UTP14A: variants seen among roughly 807,000 people sequenced by gnomAD.
UTP14A encodes the protein UTP14A small subunit processome component.
UTP14A carries 5 observed loss-of-function variants against 57.2 expected under a neutral mutation model. The ratio of observed to expected loss-of-function variants is 0.09; its 90% CI spans 0.05 to 0.18. The LOEUF is 0.18. Ranked by LOEUF, UTP14A falls within the 10% of genes least tolerant of loss-of-function variation. The pLI is 1.00. For missense variants in UTP14A, 430 were observed against 562.1 expected, an observed-to-expected ratio of 0.76 and a Z score of 2.38; for synonymous variants, 169 against 210.9, an observed-to-expected ratio of 0.80 and a Z score of 1.72.
At chrX:129,920,329 A>G (rs1178416990) in intron 8 of UTP14A, 128 bp from the exon 9 acceptor site, 6 of 964,926 alleles carry the variant, frequency 6.2e-6, no homozygotes, top group Non-Finnish European at 8.7e-6. Flanking sequence ...GACTCCCTAT[A>G]GCCAACTAGC....
At chrX:129,908,210 C>A in intron 3 of UTP14A, 80 bp downstream of exon 3, 1 of 818,447 alleles carries the variant, frequency 1.2e-6, no homozygotes, top group Non-Finnish European at 1.8e-6. Context: ...TTGAGTGCTT[C>A]ATGTAAAGAC....
chrX:129,907,064 C>T (rs1409242995), intron 1 of UTP14A, among the ~76,000 whole-genome samples: 2 of 109,611 alleles, frequency 1.8e-5, no homozygotes, highest in Non-Finnish European at 3.8e-5. Flanking sequence ...AAAGTGATAG[C>T]TCTTTTACAT....
chrX:129,911,241 A>G, intron 5 of UTP14A, 91 bp downstream of exon 5: 1 of 1,061,912 alleles, frequency 9.4e-7, no homozygotes, highest in Non-Finnish European at 1.3e-6. Context: ...GACCTGAAAA[A>G]TGGGAGAAGG....
chrX:129,907,687 T>A (rs1190482828), intron 2 of UTP14A, among the ~76,000 whole-genome samples: 1 of 112,512 alleles, frequency 8.9e-6, no homozygotes, highest in African/African-American at 3.2e-5. Flanking sequence ...GCCCGGGTGA[T>A]GGCTCATGCC....
In UTP14A at chrX:129,920,716, C is replaced by G; in HGVS notation, c.918C>G (p.Ala306=). Reference sequence around the variant, plus strand: ...AGCACCAAAACAGTGGGAAATGGGCCAAGTCAAAGGCAATTATGGCCAAAT... The same window carrying G: ...AGCACCAAAACAGTGGGAAATGGGCGAAGTCAAAGGCAATTATGGCCAAAT... ...SLKHQNSGKW[A]KSKAIMAKYD... Residue 306 remains alanine (A), a synonymous_variant, in exon 10 of 15, where the codon GCC becomes GCG. Transcript: ENST00000394422. 2 of 1,210,778 alleles carry G rather than the reference C, an allele frequency of 1.7e-6. No homozygotes were observed. The highest frequency in any genetic ancestry group is 2.2e-6 in the Non-Finnish European group (2 of 895,352).
chrX:129,925,379 T>G (rs1479979802), intron 12 of UTP14A, among the ~76,000 whole-genome samples, 184 bp downstream of exon 12: 1 of 111,757 alleles, frequency 8.9e-6, no homozygotes, highest in Non-Finnish European at 1.9e-5. Context: ...AGACCCCTAT[T>G]TCCGAAAGCC....
intron 14 of UTP14A, among the ~76,000 whole-genome samples, chrX:129,927,211 T>A (rs1427335359): frequency 9.0e-6 from 1 of 110,631 alleles, no homozygotes; most frequent in Non-Finnish European, 1.9e-5. Flanking sequence ...TGACAAATAG[T>A]TTTCTAGGAA....
At chrX:129,910,906 C>A in intron 4 of UTP14A, 102 bp from the exon 5 acceptor site, 1 of 1,021,344 alleles carries the variant, frequency 9.8e-7, no homozygotes, top group Non-Finnish European at 1.3e-6. Context: ...CTTCTCTGCA[C>A]ATTTGCCATC....
chrX:129,908,534 C>A, intron 3 of UTP14A, 136 bp from the exon 4 acceptor site: 3 of 601,285 alleles, frequency 5.0e-6, no homozygotes, highest in Non-Finnish European at 8.3e-6. Flanking sequence ...CTCCTTGCTG[C>A]ATCATGACAA....
rs771685384 is a variant in UTP14A at position 129,922,366 on chromosome X, A to G, written c.1348+779A>G. On this transcript the variant is annotated intron_variant, in intron 11 of 14. Transcript: ENST00000394422. ...CAGGTCTGGTTTGGTTTCACATAGG[A>G]ATGCATTTAGATGATGGCAAAAATC... The G allele has an allele frequency of 2.7e-5, 3 of 112,495 alleles. No individual in the cohort carries two copies. In the East Asian group the frequency reaches 8.3e-4, roughly 31 times the overall value. 9.3% of individuals were successfully genotyped at this position (112,495 alleles called of 1,213,427 possible).
chrX:129,921,510 T>C lies in UTP14A; in HGVS notation c.1271T>C (p.Phe424Ser). 2 of 1,210,868 alleles carry C rather than the reference T, an allele frequency of 1.7e-6. No individual in the cohort carries two copies. The highest frequency in any genetic ancestry group is 2.2e-6 in the Non-Finnish European group (2 of 895,333). ...GAAGAAGAAATTTTGTTGAGAGAAT[T>C]TGAGGAAAGGCGATCCCTTAGAAAA... ...VAEEEILLRE[F>S]EERRSLRKRS... Residue 424 changes from phenylalanine (F) to serine (S), a missense_variant, in exon 11 of 15, where the codon TTT becomes TCT. Phe to Ser is a radical substitution (Grantham distance 155). Transcript: ENST00000394422.
intron 6 of UTP14A, among the ~76,000 whole-genome samples, chrX:129,913,601 T>C (rs1929561312): frequency 8.9e-6 from 1 of 111,986 alleles, no homozygotes; most frequent in Non-Finnish European, 1.9e-5. Context: ...AAGGGTAGCA[T>C]GCTACTACAC....
chrX:129,926,146 A>G lies in UTP14A; in HGVS notation c.1943+34A>G, dbSNP rs370232858. ...GCCGAAGAAAGTCTGTCAAAAGGGCACCGGGTTCTCCCCTCGCCCTTCGGT... is the reference window on the plus strand; with the variant it reads ...GCCGAAGAAAGTCTGTCAAAAGGGCGCCGGGTTCTCCCCTCGCCCTTCGGT... On this transcript the variant is annotated intron_variant, in intron 13 of 14. Coordinates refer to ENST00000394422, the MANE Select transcript of UTP14A (RefSeq NM_006649.4). 18 of 1,207,398 alleles carry G rather than the reference A, an allele frequency of 1.5e-5. No homozygotes were observed. The African/African-American group carries it at 2.5e-4, about 16-fold the overall frequency.
chrX:129,909,211 T>G (rs1260874543), intron 4 of UTP14A, among the ~76,000 whole-genome samples: 1 of 98,375 alleles, frequency 1.0e-5, no homozygotes, highest in East Asian at 3.1e-4. Context: ...CAAGCCTTTT[T>G]TTTTTTTTTT....
chrX:129,917,742 G>A (rs1341825938), intron 6 of UTP14A, among the ~76,000 whole-genome samples: 4 of 110,758 alleles, frequency 3.6e-5, no homozygotes, highest in Non-Finnish European at 7.6e-5. Context: ...ATGTTGCCCA[G>A]GCTGGTCTCA....
chrX:129,929,092 T>C (rs772069160), intron 14 of UTP14A, among the ~76,000 whole-genome samples: 3 of 111,505 alleles, frequency 2.7e-5, no homozygotes, highest in African/African-American at 6.5e-5. Context: ...AGACCCTGAA[T>C]TGTTGAATAG....
At chrX:129,908,566 C>T (rs1369969430) in intron 3 of UTP14A, 104 bp from the exon 4 acceptor site, 6 of 797,421 alleles carry the variant, frequency 7.5e-6, no homozygotes, top group Non-Finnish European at 9.4e-6. Context: ...AGAAGAAATA[C>T]AAGAAACCAA....
intron 2 of UTP14A, 129 bp from the exon 3 acceptor site, chrX:129,907,931 G>A: frequency 1.7e-6 from 1 of 582,229 alleles, no homozygotes; most frequent in Non-Finnish European, 2.8e-6. Context: ...ACTCCATCCT[G>A]GGCAACAGAG....
At chrX:129,912,712 T>TAA (rs1929528033) in intron 6 of UTP14A, among the ~76,000 whole-genome samples, 1 of 111,161 alleles carries the variant, frequency 9.0e-6, no homozygotes, top group African/African-American at 3.3e-5. Flanking sequence ...CTTCAGCAGG[T>TAA]AACTTACTAT....
Sources: gnomAD v4.1 joint callset for allele counts (sites outside exome capture counted in the v4.1 genomes callset) on GRCh38, gnomAD v4.1.1 for gene constraint, MANE v1.5 for transcripts, NCBI Gene and HGNC (gene_info 2026-07-23, HGNC 2026-07-21) for gene names.